The following LRRC8D variants were observed in gnomAD, a reference collection of about 807,000 sequenced individuals.
LRRC8D encodes the protein volume-regulated anion channel subunit LRRC8D.
LRRC8D carries 20 observed loss-of-function variants against 55.8 expected under a neutral mutation model. That is an observed-to-expected ratio of 0.36 (90% CI 0.25 to 0.52). The LOEUF (loss-of-function observed/expected upper bound fraction) is 0.52. Among genes scored for constraint, LRRC8D ranks in the 20% least tolerant of loss-of-function variants. The pLI, the probability that LRRC8D is intolerant of heterozygous loss-of-function variation, is 0.93. For missense variants in LRRC8D, 651 were observed against 1,030.8 expected (o/e 0.63, Z 5.05); for synonymous variants, 352 against 377.0 (o/e 0.93, Z 0.77).
chr1:89,932,732 A>G (rs985312195), intron 2 of LRRC8D, among the ~76,000 whole-genome samples: 3 of 152,152 alleles, frequency 2.0e-5, no homozygotes, highest in Non-Finnish European at 2.9e-5. Flanking sequence ...TTGACCTCCA[A>G]ATTTCAGTCT....
intron 2 of LRRC8D, among the ~76,000 whole-genome samples, chr1:89,885,439 T>C (rs1486589230): frequency 6.6e-6 from 1 of 152,244 alleles, no homozygotes; most frequent in African/African-American, 2.4e-5. Context: ...TCTAGACACA[T>C]TCCTCTGCTT....
intron 2 of LRRC8D, among the ~76,000 whole-genome samples, chr1:89,908,655 T>C (rs1258278459): frequency 6.6e-6 from 1 of 152,248 alleles, no homozygotes; most frequent in African/African-American, 2.4e-5. Context: ...GTTTTTCATT[T>C]TATCAAAATG....
chr1:89,879,321 T>C (rs1383803756), intron 2 of LRRC8D, among the ~76,000 whole-genome samples: 2 of 152,212 alleles, frequency 1.3e-5, no homozygotes, highest in East Asian at 1.9e-4. Flanking sequence ...ACCTTATTAA[T>C]ATAAATTGCA....
chr1:89,881,180 T>C (rs1662273670), intron 2 of LRRC8D, among the ~76,000 whole-genome samples: 1 of 152,194 alleles, frequency 6.6e-6, no homozygotes, highest in South Asian at 2.1e-4. Flanking sequence ...ATTTCTCCTT[T>C]ATGGTTCTTT....
At chr1:89,829,274 C>G (rs999583125) in intron 1 of LRRC8D, among the ~76,000 whole-genome samples, 1 of 152,158 alleles carries the variant, frequency 6.6e-6, no homozygotes, top group Non-Finnish European at 1.5e-5. Context: ...AGCTATTAGG[C>G]ACTTAATGAT....
chr1:89,851,702 G>A (rs1227872128), intron 2 of LRRC8D, among the ~76,000 whole-genome samples: 1 of 151,972 alleles, frequency 6.6e-6, no homozygotes, highest in East Asian at 1.9e-4. Context: ...TAGAGATGGG[G>A]TTTCACCATG....
chr1:89,874,452 TG>T (rs1662101331), intron 2 of LRRC8D, among the ~76,000 whole-genome samples: 1 of 140,406 alleles, frequency 7.1e-6, no homozygotes, highest in Non-Finnish European at 1.5e-5. Context: ...TTTGTGTGTG[TG>T]TGTGTGTGTG....
chr1:89,908,063 T>C (rs1663039087), intron 2 of LRRC8D, among the ~76,000 whole-genome samples: 1 of 152,226 alleles, frequency 6.6e-6, no homozygotes, highest in Non-Finnish European at 1.5e-5. Context: ...TCCCATTATG[T>C]TCCTCTACAC....
chr1:89,837,413 C>T (rs970554673), intron 1 of LRRC8D, among the ~76,000 whole-genome samples: 18 of 152,158 alleles, frequency 1.2e-4, no homozygotes, highest in African/African-American at 4.1e-4. Flanking sequence ...GTATTTATGG[C>T]ACTGTACCTC....
intron 1 of LRRC8D, among the ~76,000 whole-genome samples, chr1:89,830,120 A>G (rs990527670): frequency 6.6e-6 from 1 of 152,256 alleles, no homozygotes; most frequent in Non-Finnish European, 1.5e-5. Flanking sequence ...TCTACATCAT[A>G]TTCATAGGCT....
In LRRC8D at chr1:89,934,850, C is replaced by T. The variant is rs779545647; in HGVS notation, c.1782C>T (p.His594=). Residue 594 remains histidine, a synonymous_variant, in exon 3 of 3, where the codon CAC becomes CAT. Transcript: ENST00000337338. The surrounding 1 kb of genome is among the most constrained non-coding windows in gnomAD (Gnocchi z 5.9). Reference sequence around the variant, plus strand: ...AGTTGCGGCACCTTAAGATTCTCCACGTGAAGAGCAATTTGACCAAAGTTC... The same window carrying T: ...AGTTGCGGCACCTTAAGATTCTCCATGTGAAGAGCAATTTGACCAAAGTTC... The part of the protein sequence containing the change: ...LRELRHLKIL[H]VKSNLTKVPS... The T allele has an allele frequency of 5.0e-6, 8 of 1,614,074 alleles. No homozygotes were observed. Among genetic ancestry groups the T allele is most frequent in the South Asian group, 2.2e-5 (2 of 91,070 alleles).
chr1:89,890,905 C>T (rs889240244), intron 2 of LRRC8D, among the ~76,000 whole-genome samples: 1 of 151,926 alleles, frequency 6.6e-6, no homozygotes, highest in Non-Finnish European at 1.5e-5. Flanking sequence ...TTTTTAGAGA[C>T]GGAGTCTTGC....
chr1:89,868,275 G>T (rs1661902731), intron 2 of LRRC8D, among the ~76,000 whole-genome samples: 1 of 152,194 alleles, frequency 6.6e-6, no homozygotes, highest in African/African-American at 2.4e-5. Context: ...GACACACCAA[G>T]ATTTTGAATC....
chr1:89,837,095 A>G (rs1458198933), intron 1 of LRRC8D, among the ~76,000 whole-genome samples: 1 of 152,228 alleles, frequency 6.6e-6, no homozygotes, highest in East Asian at 1.9e-4. Flanking sequence ...AGATCAAAGT[A>G]CATGGGTTCA....
At chr1:89,903,082 A>T (rs1662905150) in intron 2 of LRRC8D, among the ~76,000 whole-genome samples, 1 of 152,130 alleles carries the variant, frequency 6.6e-6, no homozygotes, top group Non-Finnish European at 1.5e-5. Flanking sequence ...AAAGAGGGAA[A>T]CAGAGATGTT....
At chr1:89,862,768 C>G (rs749293876) in intron 2 of LRRC8D, among the ~76,000 whole-genome samples, 2 of 152,090 alleles carry the variant, frequency 1.3e-5, no homozygotes, top group Non-Finnish European at 2.9e-5. Flanking sequence ...TTTACATTTC[C>G]TGCTTCCCTT....
chr1:89,913,021 T>A lies in LRRC8D; in HGVS notation c.-2-20046T>A, dbSNP rs758484583. On this transcript the variant is annotated intron_variant, in intron 2 of 2. Transcript: ENST00000337338. ...AGTCCAGATATGAGCAGCCAGCAAC[T>A]GGCAGGATAGCACTCCTGTGCTACA... 2.6e-5 allele frequency among the ~76,000 whole-genome samples: 4 copies of A among 152,240 alleles called. No individual in the cohort carries two copies. In the East Asian group the frequency reaches 7.7e-4, roughly 29 times the overall value.
chr1:89,821,692 G>A (rs1313539604), intron 1 of LRRC8D, among the ~76,000 whole-genome samples: 2 of 152,144 alleles, frequency 1.3e-5, no homozygotes, highest in Non-Finnish European at 2.9e-5. Flanking sequence ...GGAGGTGGGT[G>A]TTTGGTGTCT....
intron 1 of LRRC8D, among the ~76,000 whole-genome samples, chr1:89,834,492 G>A (rs2100718873): frequency 6.6e-6 from 1 of 152,214 alleles, no homozygotes; most frequent in East Asian, 1.9e-4. Flanking sequence ...AGGATACAGT[G>A]CTAATAACTA....
Sources: allele counts gnomAD v4.1 joint callset (sites outside exome capture counted in the v4.1 genomes callset), GRCh38; gene constraint gnomAD v4.1.1; non-coding constraint Gnocchi (gnomAD v3.1); transcripts MANE v1.5; gene names NCBI Gene and HGNC (gene_info 2026-07-23, HGNC 2026-07-21).